The following SP2 variants were observed in gnomAD, a reference collection of about 807,000 sequenced individuals.
SP2 encodes the protein Sp2 transcription factor, also known as transcription factor Sp2.
A neutral mutation model predicts 50.1 loss-of-function variants in SP2; 9 were observed. The observed-to-expected ratio is 0.18, with a 90% CI of 0.11 to 0.31. The LOEUF (loss-of-function observed/expected upper bound fraction) is 0.31, where lower values mean the gene tolerates loss of function less well. Among genes scored for constraint, SP2 ranks in the 10% least tolerant of loss-of-function variants. The pLI is 1.00. For synonymous variants in SP2, 313 were observed against 326.6 expected, an observed-to-expected ratio of 0.96 and a Z score of 0.45; for missense variants, 581 against 806.5, an observed-to-expected ratio of 0.72 and a Z score of 3.39.
At chr17:47,906,090 TA>T (rs1187860978) in intron 1 of SP2, among the ~76,000 whole-genome samples, 1 of 152,096 alleles carries the variant, frequency 6.6e-6, no homozygotes, top group African/African-American at 2.4e-5. Flanking sequence ...ATTTGCACTT[TA>T]AAAAGAGCCT....
At chr17:47,902,204 C>T (rs1465202252) in intron 1 of SP2, among the ~76,000 whole-genome samples, 1 of 152,080 alleles carries the variant, frequency 6.6e-6, no homozygotes, top group Non-Finnish European at 1.5e-5. Context: ...CAAAGACCCT[C>T]AGCAGGGGCC....
chr17:47,898,791 T>G (rs1251000467), intron 1 of SP2: 2 of 152,256 alleles, frequency 1.3e-5, no homozygotes, highest in Non-Finnish European at 2.9e-5. Flanking sequence ...CTTCTGAGTT[T>G]ACAAGATTTA....
chr17:47,925,190 C>A, intron 5 of SP2, 97 bp downstream of exon 5: 1 of 1,477,926 alleles, frequency 6.8e-7, no homozygotes. Context: ...ACAGACCAGG[C>A]AAGGAAGAGC....
chr17:47,907,721 T>G (rs1245747505), intron 1 of SP2, among the ~76,000 whole-genome samples: 3 of 152,198 alleles, frequency 2.0e-5, no homozygotes, highest in Non-Finnish European at 4.4e-5. Flanking sequence ...AAACAATTAT[T>G]CTGACTAAGG....
intron 6 of SP2, among the ~76,000 whole-genome samples, chr17:47,927,202 T>C (rs541375665): frequency 3.2e-4 from 49 of 151,842 alleles, no homozygotes; most frequent in African/African-American, 1.2e-3. Flanking sequence ...AGAGGTCAAA[T>C]GGGGGGTCAG....
At chr17:47,918,206 G>A (rs2143985731) in intron 3 of SP2, among the ~76,000 whole-genome samples, 1 of 152,166 alleles carries the variant, frequency 6.6e-6, no homozygotes, top group Admixed American at 6.6e-5. Context: ...ACTGAGAGTG[G>A]GAAGTTGTGT....
chr17:47,925,332 T>A lies in SP2; in HGVS notation c.1548-16T>A. The A allele has an allele frequency of 1.2e-6, 2 of 1,606,300 alleles. No individual in the cohort carries two copies. The highest frequency in any genetic ancestry group is 2.2e-5 in the South Asian group (2 of 90,126). ...TCTTCCTATTCCCTCCACTCCACCCTCACCCCAATTCTCAGGTCTGGAGAG... is the reference window on the plus strand; with the variant it reads ...TCTTCCTATTCCCTCCACTCCACCCACACCCCAATTCTCAGGTCTGGAGAG... On this transcript the variant is annotated splice_polypyrimidine_tract_variant and intron_variant, in intron 5 of 6. Transcript: ENST00000376741.
Position 47,928,067 on chromosome 17 carries a change from G to C in SP2, c.*243G>C. The C allele has an allele frequency of 2.0e-6, 1 of 489,810 alleles. No individual in the cohort carries two copies. Among genetic ancestry groups the C allele is most frequent in the Non-Finnish European group, 3.7e-6 (1 of 269,994 alleles). The allele number at this position is 489,810 out of a possible 1,614,324, so 30.3% of individuals were successfully genotyped here. On this transcript the variant is annotated 3_prime_UTR_variant, in exon 7 of 7. Coordinates refer to ENST00000376741, the MANE Select transcript of SP2 (RefSeq NM_003110.6). ...CCTGCCCAGACTGTGGACACTGGCC[G>C]TGCCCAATGAGACGTTCTAAACCAG...
rs2035241831 is a variant in SP2 at position 47,917,108 on chromosome 17, C to T, written c.1037C>T (p.Ala346Val). 1 of 1,611,040 alleles carries T rather than the reference C, an allele frequency of 6.2e-7. No homozygotes were observed. The highest frequency in any genetic ancestry group is 1.1e-5 in the South Asian group (1 of 90,732). Residue 346 changes from alanine to valine, a missense_variant, in exon 3 of 7, where the codon GCA becomes GTA. Ala to Val is a moderately conservative substitution (Grantham distance 64). This residue lies in a region of SP2 where 397 missense variants were observed against 491.0 expected (regional missense o/e 0.81). Coordinates refer to ENST00000376741, the MANE Select transcript of SP2 (RefSeq NM_003110.6). ...QKPSQNFQIQ[A>V]AEPTPTQVYI... ...CCCTCCCAGAACTTTCAGATCCAGG[C>T]AGCTGAGCCGACACCTACTCAGGTA...
intron 1 of SP2, 162 bp downstream of exon 1, chr17:47,896,455 C>G: frequency 1.8e-6 from 1 of 542,512 alleles, no homozygotes; most frequent in Non-Finnish European, 2.8e-6. Flanking sequence ...AGGATTCCCG[C>G]CCGGAGGAGG....
intron 5 of SP2, 125 bp downstream of exon 5, chr17:47,925,218 C>G: frequency 2.8e-6 from 4 of 1,427,040 alleles, no homozygotes; most frequent in Non-Finnish European, 3.8e-6. Flanking sequence ...TCTGTGCCAC[C>G]TTGCCCCCTG....
chr17:47,909,724 C>T, intron 1 of SP2: 1 of 981,162 alleles, frequency 1.0e-6, no homozygotes, highest in Non-Finnish European at 1.2e-6. Context: ...GTCAGAATCT[C>T]ATTTAGGTAT....
Position 47,916,836 on chromosome 17 carries a change from C to T in SP2, c.765C>T (p.Ser255=), listed in dbSNP as rs1180622326. 6.2e-7 allele frequency: 1 copy of T among 1,613,896 alleles called. No homozygotes were observed. Among genetic ancestry groups the T allele is most frequent in the Non-Finnish European group, 8.5e-7 (1 of 1,179,750 alleles). The part of the protein sequence containing the change: ...KKARKKSLPA[S]QPPVAVAEQV... The stretch of plus-strand genomic sequence containing the variant: ...CAAGGAAGAAGAGCCTTCCTGCCTC[C>T]CAGCCCCCTGTGGCTGTGGCTGAGC... The change falls in exon 3 of 7, where the codon TCC becomes TCT. Residue 255 remains serine, a synonymous_variant. Transcript: ENST00000376741. This position sits in a 1 kb window ranked among gnomAD's most constrained non-coding sequence, Gnocchi z 4.7.
chr17:47,896,582 C>T (rs1192714814), intron 1 of SP2, among the ~76,000 whole-genome samples: 1 of 152,146 alleles, frequency 6.6e-6, no homozygotes, highest in Non-Finnish European at 1.5e-5. Context: ...GGAGCGGGCA[C>T]CGGGGTGGCC....
chr17:47,898,948 T>C (rs554890902), intron 1 of SP2: 1 of 152,386 alleles, frequency 6.6e-6, no homozygotes, highest in South Asian at 2.1e-4. Flanking sequence ...TCGGAATTTC[T>C]TCCCAGCACC....
At position 47,916,444 on chromosome 17, in the gene SP2, C is replaced by T; in HGVS notation, c.373C>T (p.Arg125Ter). 1 of 1,614,068 alleles carries T rather than the reference C, an allele frequency of 6.2e-7. No individual in the cohort carries two copies. The part of the protein sequence containing the change: ...QNPTMINKGT[R>*]SNANIQYQAV... ...TCCCACCATGATCAACAAAGGGACC[C>T]GATCAAATGCCAATATCCAGTACCA... Residue 125 changes from arginine to a stop codon, truncating the protein, a stop_gained, in exon 3 of 7, where the codon CGA (arginine) becomes TGA (stop). Transcript: ENST00000376741. LOFTEE classifies it high-confidence loss of function. The surrounding 1 kb of genome is among the most constrained non-coding windows in gnomAD (Gnocchi z 4.7).
chr17:47,923,951 C>T (rs1284895984), intron 4 of SP2, among the ~76,000 whole-genome samples: 1 of 152,114 alleles, frequency 6.6e-6, no homozygotes, highest in Non-Finnish European at 1.5e-5. Context: ...CCATCCGCCT[C>T]AGCCTCCCAA....
chr17:47,918,097 A>G (rs1052088070), intron 3 of SP2, among the ~76,000 whole-genome samples: 1 of 151,670 alleles, frequency 6.6e-6, no homozygotes, highest in African/African-American at 2.4e-5. Context: ...AGCAGGTGCT[A>G]CCATTAAAAT....
rs1360863827 is a variant in SP2, at chr17:47,917,037, G to A, written c.966G>A (p.Arg322=). Residue 322 remains arginine, a synonymous_variant, in exon 3 of 7, where the codon CGG becomes CGA. Transcript: ENST00000376741. ...TACAGATCCCCCAGCAGGCTCTGCG[G>A]GTGGTGCAGGCGGCATCTGCCACCC... ...QVVQIPQQAL[R]VVQAASATLP... 7 of 1,614,114 alleles carry A rather than the reference G, an allele frequency of 4.3e-6. No homozygotes were observed. The highest frequency in any genetic ancestry group is 1.3e-5 in the African/African-American group (1 of 75,064).
Sources: allele counts gnomAD v4.1 joint callset (sites outside exome capture counted in the v4.1 genomes callset), GRCh38; gene constraint gnomAD v4.1.1; regional missense constraint gnomAD v4.1.1; non-coding constraint Gnocchi (gnomAD v3.1); transcripts MANE v1.5; gene names NCBI Gene and HGNC (gene_info 2026-07-23, HGNC 2026-07-21).